Variants in STK16 observed in about 807,000 individuals in gnomAD.
The protein encoded by STK16 is serine/threonine-protein kinase 16.
A neutral mutation model predicts 37.8 loss-of-function variants in STK16; 28 were observed. The observed-to-expected ratio is 0.74, with a 90% confidence interval of 0.55 to 1.02. STK16 has a LOEUF of 1.02. Ranked by LOEUF, STK16 falls within the 50% of genes least tolerant of loss-of-function variation. The pLI, the probability that STK16 is intolerant of heterozygous loss-of-function variation, is 0.00. For synonymous variants in STK16, 134 were observed against 155.0 expected, an observed-to-expected ratio of 0.86 and a Z score of 1.01; for missense variants, 349 against 390.6, an observed-to-expected ratio of 0.89 and a Z score of 0.90.
rs751933081 is a variant in STK16 at position 219,246,569 on chromosome 2, G to A, written c.87-88G>A. The stretch of plus-strand genomic sequence containing the variant: ...GGGAAGGTTTCTGCTAAATGGGAAG[G>A]ACACCCCACTCCCCACCAGGAAATT... On this transcript the variant is annotated intron_variant, in intron 2 of 7. Coordinates refer to ENST00000396738, the MANE Select transcript of STK16 (RefSeq NM_001330213.2). This position sits in a 1 kb window ranked among gnomAD's most constrained non-coding sequence, Gnocchi z 4.5. The A allele has an allele frequency of 2.4e-4, 241 of 1,018,440 alleles. No homozygotes were observed. The highest frequency in any genetic ancestry group is 4.6e-4 in the Admixed American group (24 of 51,872). The allele number at this position is 1,018,440 out of a possible 1,614,324, so 63.1% of individuals were successfully genotyped here. A position where few individuals can be genotyped will look rare whatever the true frequency, so the allele number is the denominator to read the frequency against.
Position 219,249,632 on chromosome 2 carries a change from A to G in STK16, c.*1073A>G, listed in dbSNP as rs1320968860. On this transcript the variant is annotated 3_prime_UTR_variant, in exon 8 of 8. Coordinates refer to ENST00000396738, the MANE Select transcript of STK16 (RefSeq NM_001330213.2). ...CTGGGGCTCCTGTTAGCAAAGTTGA[A>G]GCTTTCCCCAGGGCCCTAGCAGGAG... is the stretch of plus-strand genomic sequence containing the variant. 1 of 152,282 alleles carries G rather than the reference A, an allele frequency of 6.6e-6. No individual in the cohort carries two copies. The highest frequency in any genetic ancestry group is 1.5e-5 in the Non-Finnish European group (1 of 68,092). 9.4% of individuals were successfully genotyped at this position (152,282 alleles called of 1,614,324 possible).
At position 219,250,309 on chromosome 2, in the gene STK16, G is replaced by A. The variant is rs772607875; in HGVS notation, c.*1750G>A. On this transcript the variant is annotated 3_prime_UTR_variant, in exon 8 of 8. Coordinates refer to ENST00000396738, the MANE Select transcript of STK16 (RefSeq NM_001330213.2). The surrounding 1 kb of genome is among the most constrained non-coding windows in gnomAD (Gnocchi z 8.4). ...TGCAAGGAAACTGTTTATTTCGAAA[G>A]GATTTTGCAATAAACATAGTGAATA... is the stretch of plus-strand genomic sequence containing the variant. 23 of 1,558,522 alleles carry A rather than the reference G, an allele frequency of 1.5e-5. No individual in the cohort carries two copies. Among genetic ancestry groups the A allele is most frequent in the Non-Finnish European group, 1.8e-5 (21 of 1,151,508 alleles).
At position 219,247,488 on chromosome 2, in the gene STK16, C is replaced by G. The variant is rs1389446512; in HGVS notation, c.514C>G (p.Gln172Glu). 1 of 1,614,094 alleles carries G rather than the reference C, an allele frequency of 6.2e-7. No individual in the cohort carries two copies. ...PVLMDLGSMNQACIHVEGSRQ... is the reference protein window; with the variant it reads ...PVLMDLGSMNEACIHVEGSRQ... Reference sequence around the variant, plus strand: ...TTTAATGGACTTGGGTTCCATGAATCAAGCATGCATCCATGTGGAGGGCTC... The same window carrying G: ...TTTAATGGACTTGGGTTCCATGAATGAAGCATGCATCCATGTGGAGGGCTC... The change falls in exon 5 of 8, where the codon CAA (glutamine) becomes GAA (glutamate). Residue 172 changes from glutamine (Q) to glutamate (E), a missense_variant. Physicochemically the swap from Gln to Glu is conservative, Grantham distance 29 (BLOSUM62 2). Transcript: ENST00000396738.
Position 219,249,319 on chromosome 2 carries a change from G to C in STK16, c.*760G>C, listed in dbSNP as rs1198839596. On this transcript the variant is annotated 3_prime_UTR_variant, in exon 8 of 8. Coordinates refer to ENST00000396738, the MANE Select transcript of STK16 (RefSeq NM_001330213.2). ...GGCGAGGGGAGTGGAGGTGGCAGCG[G>C]CAGCTGTTTTGGCCTGTGTCTCCCT... The C allele has an allele frequency of 6.6e-6, 1 of 152,284 alleles. No homozygotes were observed. The highest frequency in any genetic ancestry group is 1.9e-4 in the East Asian group (1 of 5,200). 9.4% of individuals were successfully genotyped at this position (152,284 alleles called of 1,614,324 possible).
In STK16 at chr2:219,247,264, G is replaced by T; in HGVS notation, c.440+18G>T. On this transcript the variant is annotated intron_variant, in intron 4 of 7. Transcript: ENST00000396738. ...GCCCACAGGTCAGTGGGAGGACCCT[G>T]TGTGCTTGCTGGGGCCCAGAGGAAG... The T allele has an allele frequency of 6.2e-7, 1 of 1,613,686 alleles. No homozygotes were observed. Among genetic ancestry groups the T allele is most frequent in the Non-Finnish European group, 8.5e-7 (1 of 1,179,660 alleles).
chr2:219,247,740 G>A lies in STK16; in HGVS notation c.640G>A (p.Glu214Lys), dbSNP rs772765850. The A allele has an allele frequency of 6.3e-7, 1 of 1,585,012 alleles. No homozygotes were observed. The highest frequency in any genetic ancestry group is 8.6e-7 in the Non-Finnish European group (1 of 1,164,486). The change falls in exon 6 of 8, where the codon GAG (glutamate) becomes AAG (lysine). Residue 214 changes from glutamate (E) to lysine (K), a missense_variant. Physicochemically the swap from Glu to Lys is moderately conservative, Grantham distance 56. Transcript: ENST00000396738. Reference sequence around the variant, plus strand: ...TGTGCAGAGTCACTGTGTCATCGATGAGCGGACTGATGTCTGGGTGAGGAG... The same window carrying A: ...TGTGCAGAGTCACTGTGTCATCGATAAGCGGACTGATGTCTGGGTGAGGAG... ...FSVQSHCVIDERTDVWSLGCV... is the reference protein window; with the variant it reads ...FSVQSHCVIDKRTDVWSLGCV...
In STK16 at chr2:219,250,151, C is replaced by T; in HGVS notation, c.*1592C>T. On this transcript the variant is annotated 3_prime_UTR_variant, in exon 8 of 8. Transcript: ENST00000396738. The surrounding 1 kb of genome is among the most constrained non-coding windows in gnomAD (Gnocchi z 8.4). ...AGTCCCTGGGGTTATGCTTCCTGGG[C>T]CTGGCAAGAACCCCTTTGCAGGTCT... 1.3e-6 allele frequency: 1 copy of T among 764,034 alleles called. No individual in the cohort carries two copies. Among genetic ancestry groups the T allele is most frequent in the Non-Finnish European group, 2.2e-6 (1 of 465,056 alleles). The allele number at this position is 764,034 out of a possible 1,614,324, so 47.3% of individuals were successfully genotyped here. A position where few individuals can be genotyped will look rare whatever the true frequency, so the allele number is the denominator to read the frequency against.
At position 219,246,262 on chromosome 2, in the gene STK16, CT is replaced by C. The variant is rs1951527870; in HGVS notation, c.86+178del. On this transcript the variant is annotated intron_variant, in intron 2 of 7. Transcript: ENST00000396738. The surrounding 1 kb of genome is among the most constrained non-coding windows in gnomAD (Gnocchi z 4.5). ...CTGGAGCCAGGCCTGCTAAATCCAC[CT>C]CGTGTGACCTTGATAAACCATGTTT... The C allele has an allele frequency of 1.3e-5, 8 of 608,576 alleles. No homozygotes were observed. The highest frequency in any genetic ancestry group is 2.3e-5 in the Non-Finnish European group (8 of 341,066). The allele number at this position is 608,576 out of a possible 1,614,324, so 37.7% of individuals were successfully genotyped here.
In STK16 at chr2:219,246,709, G is replaced by A. The variant is rs1457000302; in HGVS notation, c.139G>A (p.Ala47Thr). ...AGGGTTACATGATGGACACTTCTAC[G>A]CCCTGAAGCGAATCCTGTGTCACGA... ...VEGLHDGHFYALKRILCHEQQ... is the reference protein window; with the variant it reads ...VEGLHDGHFYTLKRILCHEQQ... Residue 47 changes from alanine (A) to threonine (T), a missense_variant, in exon 3 of 8, where the codon GCC becomes ACC. Coordinates refer to ENST00000396738, the MANE Select transcript of STK16 (RefSeq NM_001330213.2). The surrounding 1 kb of genome is among the most constrained non-coding windows in gnomAD (Gnocchi z 4.5). 8.7e-6 allele frequency: 14 copies of A among 1,614,192 alleles called. No homozygotes were observed. The highest frequency in any genetic ancestry group is 1.0e-5 in the Non-Finnish European group (12 of 1,180,038).
chr2:219,247,703 A>C lies in STK16; in HGVS notation c.603A>C (p.Pro201=). The C allele has an allele frequency of 6.2e-7, 1 of 1,608,514 alleles. No homozygotes were observed. The highest frequency in any genetic ancestry group is 1.1e-5 in the South Asian group (1 of 90,646). The part of the protein sequence containing the change: ...AQRCTISYRA[P]ELFSVQSHCV... ...GGTGCACCATCTCCTACCGAGCCCCAGAGCTCTTCTCTGTGCAGAGTCACT... is the reference window on the plus strand; with the variant it reads ...GGTGCACCATCTCCTACCGAGCCCCCGAGCTCTTCTCTGTGCAGAGTCACT... Residue 201 remains proline (P), a synonymous_variant, in exon 6 of 8, where the codon CCA becomes CCC. Transcript: ENST00000396738.
Position 219,250,146 on chromosome 2 carries a change from C to T in STK16, c.*1587C>T. ...TTTAAAGTCCCTGGGGTTATGCTTC[C>T]TGGGCCTGGCAAGAACCCCTTTGCA... On this transcript the variant is annotated 3_prime_UTR_variant, in exon 8 of 8. Coordinates refer to ENST00000396738, the MANE Select transcript of STK16 (RefSeq NM_001330213.2). The surrounding 1 kb of genome is among the most constrained non-coding windows in gnomAD (Gnocchi z 8.4). The T allele has an allele frequency of 2.7e-6, 2 of 749,186 alleles. No individual in the cohort carries two copies. Among genetic ancestry groups the T allele is most frequent in the Non-Finnish European group, 4.4e-6 (2 of 453,344 alleles). 46.4% of individuals were successfully genotyped at this position (749,186 alleles called of 1,614,324 possible). A position where few individuals can be genotyped will look rare whatever the true frequency, so the allele number is the denominator to read the frequency against.
chr2:219,247,165 T>C lies in STK16; in HGVS notation c.359T>C (p.Leu120Pro), dbSNP rs200960549. 2.6e-4 allele frequency: 412 copies of C among 1,614,144 alleles called. 7 individuals carry two copies. Among genetic ancestry groups the C allele is most frequent in the Middle Eastern group, 3.3e-4 (2 of 6,084 alleles). ...IERLKDKGNF[L>P]TEDQILWLLL... ...AGGCTGAAGGACAAAGGCAACTTCC[T>C]GACCGAGGATCAAATCCTTTGGCTG... Residue 120 changes from leucine to proline, a missense_variant, in exon 4 of 8, where the codon CTG becomes CCG. Physicochemically the swap from Leu to Pro is moderately conservative, Grantham distance 98. Coordinates refer to ENST00000396738, the MANE Select transcript of STK16 (RefSeq NM_001330213.2).
At position 219,246,987 on chromosome 2, in the gene STK16, C is replaced by G; in HGVS notation, c.306+111C>G. On this transcript the variant is annotated intron_variant, in intron 3 of 7. Coordinates refer to ENST00000396738, the MANE Select transcript of STK16 (RefSeq NM_001330213.2). The surrounding 1 kb of genome is among the most constrained non-coding windows in gnomAD (Gnocchi z 4.5). ...AGGGACCATGTCCTGGGTTTGGCCA[C>G]TTTAGATTTTGAGTTTGAGGTGTGT... 6.5e-7 allele frequency: 1 copy of G among 1,533,922 alleles called. No homozygotes were observed. The highest frequency in any genetic ancestry group is 1.2e-5 in the South Asian group (1 of 81,702).
chr2:219,248,520 T>G lies in STK16; in HGVS notation c.879T>G (p.Leu293=), dbSNP rs7601549. Residue 293 remains leucine (L), a synonymous_variant, in exon 8 of 8, where the codon CTT becomes CTG. Coordinates refer to ENST00000396738, the MANE Select transcript of STK16 (RefSeq NM_001330213.2). ...IPLLLSQLEA[L]QPPAPGQHTT... is the part of the protein sequence containing the mutation. ...TCCTCCTCAGTCAGCTGGAGGCGCT[T>G]CAGCCCCCAGCTCCTGGCCAACATA... 1,606,739 of 1,614,036 alleles carry G rather than the reference T, an allele frequency of 1. 800,013 individuals carry two copies. Among genetic ancestry groups the G allele is most frequent in the East Asian group, 1 (44,882 of 44,882 alleles).
In STK16 at chr2:219,246,253, T is replaced by G; in HGVS notation, c.86+168T>G. 6.5e-6 allele frequency: 4 copies of G among 620,030 alleles called. No homozygotes were observed. The highest frequency in any genetic ancestry group is 1.1e-5 in the Non-Finnish European group (4 of 349,946). The allele number at this position is 620,030 out of a possible 1,614,324, so 38.4% of individuals were successfully genotyped here. Reference sequence around the variant, plus strand: ...AGGTGGATTCTGGAGCCAGGCCTGCTAAATCCACCTCGTGTGACCTTGATA... The same window carrying G: ...AGGTGGATTCTGGAGCCAGGCCTGCGAAATCCACCTCGTGTGACCTTGATA... On this transcript the variant is annotated intron_variant, in intron 2 of 7. Coordinates refer to ENST00000396738, the MANE Select transcript of STK16 (RefSeq NM_001330213.2). This position sits in a 1 kb window ranked among gnomAD's most constrained non-coding sequence, Gnocchi z 4.5.
At chr2:219,247,026 T>G (rs1951549837) in intron 3 of STK16, 87 bp from the exon 4 acceptor site, 1 of 1,584,582 alleles carries the variant, frequency 6.3e-7, no homozygotes, top group Non-Finnish European at 8.6e-7. Context: ...ATGAAAGGGC[T>G]GATAGGCTTT....
intron 6 of STK16, 54 bp from the exon 7 acceptor site, chr2:219,248,139 G>C: frequency 6.2e-7 from 1 of 1,607,452 alleles, no homozygotes; most frequent in Non-Finnish European, 8.5e-7. Context: ...GAAGTAAAGG[G>C]AGAGATGTCA....
At position 219,246,265 on chromosome 2, in the gene STK16, G is replaced by T. The variant is rs531369907; in HGVS notation, c.86+180G>T. The stretch of plus-strand genomic sequence containing the variant: ...GAGCCAGGCCTGCTAAATCCACCTC[G>T]TGTGACCTTGATAAACCATGTTTTT... On this transcript the variant is annotated intron_variant, in intron 2 of 7. Coordinates refer to ENST00000396738, the MANE Select transcript of STK16 (RefSeq NM_001330213.2). The surrounding 1 kb of genome is among the most constrained non-coding windows in gnomAD (Gnocchi z 4.5). 216 of 608,192 alleles carry T rather than the reference G, an allele frequency of 3.6e-4. No individual in the cohort carries two copies. The highest frequency in any genetic ancestry group is 8.8e-4 in the Middle Eastern group (2 of 2,264). 37.7% of individuals were successfully genotyped at this position (608,192 alleles called of 1,614,324 possible).
In STK16 at chr2:219,246,854, G is replaced by A. The variant is rs1393733316; in HGVS notation, c.284G>A (p.Trp95Ter). Residue 95 changes from tryptophan (W) to a stop codon, truncating the protein, a stop_gained, in exon 3 of 8, where the codon TGG (tryptophan) becomes TAG (stop). Transcript: ENST00000396738. LOFTEE classifies it high-confidence loss of function. This position sits in a 1 kb window ranked among gnomAD's most constrained non-coding sequence, Gnocchi z 4.5. ...GAACGGGGTGCTAAGCATGAGGCCTGGCTGCTGCTACCATTCTTCAAGGTC... is the reference window on the plus strand; with the variant it reads ...GAACGGGGTGCTAAGCATGAGGCCTAGCTGCTGCTACCATTCTTCAAGGTC... ...LRERGAKHEA[W>*]LLLPFFKRGT... 6.2e-7 allele frequency: 1 copy of A among 1,611,172 alleles called. No individual in the cohort carries two copies. The highest frequency in any genetic ancestry group is 8.5e-7 in the Non-Finnish European group (1 of 1,177,584).
Sources: gnomAD v4.1 joint callset for allele counts on GRCh38, gnomAD v4.1.1 for gene constraint, Gnocchi (gnomAD v3.1) non-coding constraint, MANE v1.5 for transcripts, NCBI Gene and HGNC (gene_info 2026-07-23, HGNC 2026-07-21) for gene names.